The following PLXDC2 variants were observed in gnomAD, a reference collection of about 807,000 sequenced individuals.
PLXDC2 encodes the protein plexin domain containing 2.
A neutral mutation model predicts 68.9 loss-of-function variants in PLXDC2; 40 were observed. The ratio of observed to expected loss-of-function variants is 0.58; its 90% CI spans 0.45 to 0.76. The LOEUF is 0.76. PLXDC2 is among the 30% of genes least tolerant of loss of function. PLXDC2 has a pLI of 0.00. For synonymous variants in PLXDC2, 243 were observed against 234.2 expected, an observed-to-expected ratio of 1.04 and a Z score of -0.34; for missense variants, 644 against 661.9, an observed-to-expected ratio of 0.97 and a Z score of 0.30.
chr10:20,156,725 C>G (rs2089035633), intron 6 of PLXDC2, among the ~76,000 whole-genome samples: 1 of 152,072 alleles, frequency 6.6e-6, no homozygotes, highest in Non-Finnish European at 1.5e-5. Context: ...GACTGTCACG[C>G]TGTTAGATGC....
At chr10:19,862,224 G>T (rs1379984948) in intron 1 of PLXDC2, among the ~76,000 whole-genome samples, 1 of 152,116 alleles carries the variant, frequency 6.6e-6, no homozygotes, top group East Asian at 1.9e-4. Context: ...CTAGCATCTT[G>T]AATCAGTTAC....
At chr10:19,913,020 T>A (rs1411711058) in intron 1 of PLXDC2, among the ~76,000 whole-genome samples, 1 of 152,180 alleles carries the variant, frequency 6.6e-6, no homozygotes, top group Non-Finnish European at 1.5e-5. Flanking sequence ...CTTTAGTAGG[T>A]TCTAGTGTCC....
chr10:19,927,790 A>T (rs1833563950), intron 1 of PLXDC2, among the ~76,000 whole-genome samples: 1 of 151,084 alleles, frequency 6.6e-6, no homozygotes, highest in Non-Finnish European at 1.5e-5. Flanking sequence ...GAGAAGTTCA[A>T]TGTCACTAAC....
At chr10:19,962,622 C>A (rs1489697925) in intron 1 of PLXDC2, among the ~76,000 whole-genome samples, 2 of 146,826 alleles carry the variant, frequency 1.4e-5, no homozygotes, top group African/African-American at 4.9e-5. Context: ...GATCTCCTGA[C>A]GTCGTGATCC....
At chr10:19,833,482 C>T (rs970660820) in intron 1 of PLXDC2, among the ~76,000 whole-genome samples, 5 of 152,148 alleles carry the variant, frequency 3.3e-5, no homozygotes, top group African/African-American at 1.2e-4. Context: ...AACATTATTC[C>T]AATAAAAGGT....
At chr10:19,864,947 G>A (rs1837386679) in intron 1 of PLXDC2, among the ~76,000 whole-genome samples, 1 of 152,194 alleles carries the variant, frequency 6.6e-6, no homozygotes, top group African/African-American at 2.4e-5. Context: ...AAGCCAGGAA[G>A]AGAGGCATTC....
chr10:20,012,933 A>G (rs1835143979), intron 2 of PLXDC2, among the ~76,000 whole-genome samples: 2 of 152,180 alleles, frequency 1.3e-5, no homozygotes, highest in African/African-American at 4.8e-5. Flanking sequence ...TATTTTCTAT[A>G]TGTTATTTCA....
intron 12 of PLXDC2, among the ~76,000 whole-genome samples, chr10:20,235,495 C>A (rs1674703712): frequency 6.6e-6 from 1 of 152,170 alleles, no homozygotes; most frequent in African/African-American, 2.4e-5. Context: ...ACAATGCCAA[C>A]CACTTTGTAA....
chr10:19,996,296 A>C (rs1246844895), intron 1 of PLXDC2, among the ~76,000 whole-genome samples: 1 of 152,186 alleles, frequency 6.6e-6, no homozygotes, highest in Non-Finnish European at 1.5e-5. Context: ...AAAATTAAAA[A>C]TTAGTCAGGC....
intron 6 of PLXDC2, among the ~76,000 whole-genome samples, chr10:20,158,135 C>T (rs572094876): frequency 1.1e-4 from 16 of 151,892 alleles, no homozygotes; most frequent in Admixed American, 2.6e-4. Context: ...CCCAGGATCT[C>T]GTGATGACTC....
chr10:20,075,342 C>T (rs1027933959), intron 4 of PLXDC2, among the ~76,000 whole-genome samples: 2 of 152,130 alleles, frequency 1.3e-5, no homozygotes, highest in Non-Finnish European at 2.9e-5. Flanking sequence ...GCATGCACCA[C>T]CATGCCTGGC....
chr10:20,070,617 A>G (rs937059879), intron 4 of PLXDC2, among the ~76,000 whole-genome samples: 3 of 152,218 alleles, frequency 2.0e-5, no homozygotes, highest in Admixed American at 6.5e-5. Flanking sequence ...CCAATAAGCC[A>G]TGAATCATAT....
At chr10:20,002,830 G>A (rs1019674872) in intron 2 of PLXDC2, among the ~76,000 whole-genome samples, 1 of 152,156 alleles carries the variant, frequency 6.6e-6, no homozygotes, top group African/African-American at 2.4e-5. Context: ...CAGTGGCTGA[G>A]GTGTAGAATG....
chr10:20,228,743 A>T (rs1459747333), intron 12 of PLXDC2, among the ~76,000 whole-genome samples: 3 of 152,122 alleles, frequency 2.0e-5, no homozygotes, highest in Non-Finnish European at 4.4e-5. Context: ...CCTGTGAATA[A>T]AATCAAGAGT....
chr10:19,949,202 T>C (rs1056089292), intron 1 of PLXDC2, among the ~76,000 whole-genome samples: 1 of 149,342 alleles, frequency 6.7e-6, no homozygotes, highest in Non-Finnish European at 1.5e-5. Flanking sequence ...GTATAAAACA[T>C]ATGCTCTGAT....
At chr10:20,202,082 G>A (rs11011862) in intron 9 of PLXDC2, among the ~76,000 whole-genome samples, 4 of 151,866 alleles carry the variant, frequency 2.6e-5, no homozygotes, top group African/African-American at 7.3e-5. Context: ...AATTGTGTGC[G>A]GCAGTTCAGC....
In PLXDC2 at chr10:20,286,647, C is replaced by T. The variant is rs1250058683; in HGVS notation, c.*6828C>T. 6.6e-6 allele frequency: 1 copy of T among 151,872 alleles called. No homozygotes were observed. The highest frequency in any genetic ancestry group is 1.5e-5 in the Non-Finnish European group (1 of 67,980). The allele number at this position is 151,872 out of a possible 1,614,324, so 9.4% of individuals were successfully genotyped here. ...GGGAATTTTAGGGGAAAGTATAAAC[C>T]TAAGAGTGAGTGAATGGAGATGATT... On this transcript the variant is annotated 3_prime_UTR_variant, in exon 14 of 14. Coordinates refer to ENST00000377252, the MANE Select transcript of PLXDC2 (RefSeq NM_032812.9).
chr10:20,213,780 A>G (rs1835100709), intron 10 of PLXDC2, among the ~76,000 whole-genome samples: 1 of 152,096 alleles, frequency 6.6e-6, no homozygotes, highest in African/African-American at 2.4e-5. Flanking sequence ...ATGTGTGTTC[A>G]AGAAAAATGT....
rs140221343 is a variant in PLXDC2, at chr10:19,892,958, A to G, written c.112+75767A>G. On this transcript the variant is annotated intron_variant, in intron 1 of 13. Transcript: ENST00000377252. The stretch of plus-strand genomic sequence containing the variant: ...TTTTTTGCCACTGTTACAATTTGCC[A>G]TTGTCATCACAATCAGATTCACTCA... 8.5e-3 allele frequency among the ~76,000 whole-genome samples: 1,228 copies of G among 143,716 alleles called. 18 individuals carry two copies. The highest frequency in any genetic ancestry group is 0.03 in the African/African-American group (1,166 of 38,826). The allele number at this position is 143,716 out of a possible 152,430, so 94.3% of individuals were successfully genotyped here.
Sources: gnomAD v4.1 joint callset for allele counts (sites outside exome capture counted in the v4.1 genomes callset) on GRCh38, gnomAD v4.1.1 for gene constraint, MANE v1.5 for transcripts, NCBI Gene and HGNC (gene_info 2026-07-23, HGNC 2026-07-21) for gene names.